CLCN5: variants seen among roughly 807,000 people sequenced by gnomAD.
The protein encoded by CLCN5 is Cl-/H+ antiporter 5.
A neutral mutation model predicts 54.0 loss-of-function variants in CLCN5; 17 were observed. The ratio of observed to expected loss-of-function variants is 0.31; its 90% confidence interval spans 0.22 to 0.47. CLCN5 has a LOEUF of 0.47. CLCN5 is among the 20% of genes least tolerant of loss of function. CLCN5 has a pLI of 1.00. For synonymous variants in CLCN5, 222 were observed against 233.0 expected, an observed-to-expected ratio of 0.95 and a Z score of 0.43; for missense variants, 448 against 646.7, an observed-to-expected ratio of 0.69 and a Z score of 3.33.
At chrX:49,991,423 G>A (rs1557178965) in intron 3 of CLCN5, among the ~76,000 whole-genome samples, 1 of 111,607 alleles carries the variant, frequency 9.0e-6, no homozygotes, top group Non-Finnish European at 1.9e-5. Context: ...TGATTTGTTC[G>A]AGTTCTGTGC....
chrX:50,063,868 T>A (rs1258817937), intron 4 of CLCN5, among the ~76,000 whole-genome samples: 1 of 111,106 alleles, frequency 9.0e-6, no homozygotes, highest in Non-Finnish European at 1.9e-5. Context: ...CGCAAATCAA[T>A]AAATGTAATC....
At chrX:50,049,160 A>G (rs782578458) in intron 4 of CLCN5, among the ~76,000 whole-genome samples, 2 of 111,937 alleles carry the variant, frequency 1.8e-5, no homozygotes, top group Non-Finnish European at 3.8e-5. Flanking sequence ...ATTTTGGTCA[A>G]CTACAGACTG....
At chrX:50,081,495 T>C (rs1933698951) in intron 8 of CLCN5, 146 bp from the exon 9 acceptor site, 1 of 496,757 alleles carries the variant, frequency 2.0e-6, no homozygotes, top group South Asian at 2.9e-5. Flanking sequence ...TCCTGGGCTC[T>C]CTTCCAAACA....
chrX:50,005,789 G>A (rs1930124798), intron 3 of CLCN5, among the ~76,000 whole-genome samples: 1 of 111,067 alleles, frequency 9.0e-6, no homozygotes, highest in Admixed American at 9.6e-5. Context: ...AATGTACAAA[G>A]CTCATCGCAG....
rs782587958 is a variant in CLCN5 at position 50,086,881 on chromosome X, C to A, written c.1557+11C>A. 2 of 1,205,846 alleles carry A rather than the reference C, an allele frequency of 1.7e-6. No homozygotes were observed. The highest frequency in any genetic ancestry group is 2.2e-6 in the Non-Finnish European group (2 of 890,775). ...ACCTTTGGCATGAAGGTGAGGAATT[C>A]TTTTGGGACTCAGTGGCTGCATGCG... On this transcript the variant is annotated intron_variant, in intron 11 of 14. Transcript: ENST00000376091.
intron 3 of CLCN5, among the ~76,000 whole-genome samples, chrX:49,974,445 T>G (rs1928383995): frequency 9.1e-6 from 1 of 110,138 alleles, no homozygotes; most frequent in Non-Finnish European, 1.9e-5. Context: ...TGTCCACTTC[T>G]TACTCCTGCC....
intron 3 of CLCN5, chrX:50,013,142 C>T: frequency 4.0e-6 from 1 of 249,714 alleles, no homozygotes; most frequent in Non-Finnish European, 7.8e-6. Flanking sequence ...GTCTCTCTCT[C>T]AATCAATCAA....
chrX:50,090,836 G>A lies in CLCN5; in HGVS notation c.2310G>A (p.Val770=). The A allele has an allele frequency of 8.3e-7, 1 of 1,211,482 alleles. No individual in the cohort carries two copies. The highest frequency in any genetic ancestry group is 1.8e-5 in the South Asian group (1 of 56,980). The change falls in exon 14 of 15, where the codon GTG becomes GTA. Residue 770 remains valine, a synonymous_variant. Transcript: ENST00000376091. ...ACCTTACACCCATGGAGATCGTAGT[G>A]GATATTTTCCGAAAGCTGGGACTGC... ...VTDLTPMEIV[V]DIFRKLGLRQ... is the part of the protein sequence containing the mutation.
At chrX:50,012,996 T>C (rs1557182807) in intron 3 of CLCN5, among the ~76,000 whole-genome samples, 1 of 111,631 alleles carries the variant, frequency 9.0e-6, no homozygotes, top group East Asian at 2.8e-4. Flanking sequence ...CATCATTTCA[T>C]TACTGTCTCC....
rs1268304331 is a variant in CLCN5, at chrX:50,067,912, A to T, written c.164-1967A>T. ...GCGTTTCTAAGGAAACCAGACTACA[A>T]AGGAGGATGATGCGGTGCTCATGTT... On this transcript the variant is annotated intron_variant, in intron 4 of 14. Transcript: ENST00000376091. The T allele has an allele frequency of 8.7e-5, 11 of 126,583 alleles. No homozygotes were observed. The Admixed American group carries it at 1.1e-3, about 12-fold the overall frequency. 10.4% of individuals were successfully genotyped at this position (126,583 alleles called of 1,213,427 possible). A position where few individuals can be genotyped will look rare whatever the true frequency, so the allele number is the denominator to read the frequency against.
intron 4 of CLCN5, among the ~76,000 whole-genome samples, chrX:50,046,725 C>T (rs1232677706): frequency 3.6e-5 from 4 of 111,209 alleles, no homozygotes; most frequent in Non-Finnish European, 7.5e-5. Context: ...GAATTTTTGG[C>T]AGTGTGGAGG....
intron 3 of CLCN5, among the ~76,000 whole-genome samples, chrX:49,991,872 T>A (rs992821933): frequency 1.8e-5 from 2 of 111,612 alleles, no homozygotes; most frequent in Non-Finnish European, 3.8e-5. Flanking sequence ...TTCTTAAACA[T>A]ATGGCGTTAG....
chrX:49,968,780 C>A (rs1928041279), intron 3 of CLCN5, among the ~76,000 whole-genome samples: 1 of 64,730 alleles, frequency 1.5e-5, no homozygotes, highest in South Asian at 8.4e-4. Flanking sequence ...GTCCAAAACA[C>A]CAAAAGCAAT....
intron 3 of CLCN5, among the ~76,000 whole-genome samples, chrX:50,033,307 A>C (rs1432679826): frequency 8.9e-6 from 1 of 111,931 alleles, no homozygotes; most frequent in East Asian, 2.8e-4. Context: ...GCTGATAAGC[A>C]ACTTCAGCAA....
At chrX:49,953,620 A>T (rs1363028075) in intron 3 of CLCN5, among the ~76,000 whole-genome samples, 1 of 112,127 alleles carries the variant, frequency 8.9e-6, no homozygotes, top group Non-Finnish European at 1.9e-5. Flanking sequence ...ATAACACTTG[A>T]CTACTCCATT....
At chrX:50,083,596 G>A (rs1372457934) in intron 9 of CLCN5, among the ~76,000 whole-genome samples, 2 of 111,657 alleles carry the variant, frequency 1.8e-5, no homozygotes, top group Non-Finnish European at 3.8e-5. Flanking sequence ...TTTGCTTTTA[G>A]GACATAAAAG....
chrX:49,924,193 G>A (rs942137303), intron 2 of CLCN5, among the ~76,000 whole-genome samples: 3 of 102,112 alleles, frequency 2.9e-5, no homozygotes, highest in African/African-American at 1.1e-4. Context: ...CTGTCGCCCA[G>A]GCTGGAGTGC....
At chrX:49,935,251 T>C (rs1925882983) in intron 3 of CLCN5, among the ~76,000 whole-genome samples, 1 of 112,060 alleles carries the variant, frequency 8.9e-6, no homozygotes, top group Non-Finnish European at 1.9e-5. Flanking sequence ...ATCATTTCAG[T>C]TGGTAACATT....
rs1557194561 is a variant in CLCN5 at position 50,090,312 on chromosome X, T to C, written c.1941T>C (p.Ala647=). Residue 647 remains alanine, a synonymous_variant, in exon 13 of 15, where the codon GCT becomes GCC. Transcript: ENST00000376091. Reference sequence around the variant, plus strand: ...TTCTTGAAGCCAAAGAAGAGTTTGCTCATAAGACCCTGGCAATGGATGTGA... The same window carrying C: ...TTCTTGAAGCCAAAGAAGAGTTTGCCCATAAGACCCTGGCAATGGATGTGA... ...YPFLEAKEEF[A]HKTLAMDVMK... 1.7e-6 allele frequency: 2 copies of C among 1,211,340 alleles called. No homozygotes were observed.
Sources: allele counts gnomAD v4.1 joint callset (sites outside exome capture counted in the v4.1 genomes callset), GRCh38; gene constraint gnomAD v4.1.1; transcripts MANE v1.5; gene names NCBI Gene and HGNC (gene_info 2026-07-23, HGNC 2026-07-21).